Variants in BAALC observed in about 807,000 individuals in gnomAD.
The protein encoded by BAALC is brain and acute leukemia cytoplasmic protein.
BAALC carries 9 observed loss-of-function variants against 15.5 expected under a neutral mutation model. The observed-to-expected ratio is 0.58, with a 90% CI of 0.35 to 1.02. The LOEUF (loss-of-function observed/expected upper bound fraction) is 1.02. Ranked by LOEUF, BAALC falls within the 50% of genes least tolerant of loss-of-function variation. The pLI, the probability that BAALC is intolerant of heterozygous loss-of-function variation, is 0.02. For synonymous variants in BAALC, 80 were observed against 74.6 expected, an observed-to-expected ratio of 1.07 and a Z score of -0.37; for missense variants, 201 against 192.4, an observed-to-expected ratio of 1.04 and a Z score of -0.27.
At chr8:103,197,910 C>T (rs916601182) in intron 1 of BAALC, among the ~76,000 whole-genome samples, 2 of 152,190 alleles carry the variant, frequency 1.3e-5, no homozygotes, top group African/African-American at 2.4e-5. Context: ...CATTTCAAGA[C>T]GAGATTTGGA....
At chr8:103,166,605 T>C (rs572404669) in intron 1 of BAALC, among the ~76,000 whole-genome samples, 1 of 152,292 alleles carries the variant, frequency 6.6e-6, no homozygotes, top group Non-Finnish European at 1.5e-5. Flanking sequence ...GTGATTTTAC[T>C]GTTGTCTTGA....
rs919743572 is a variant in BAALC, at chr8:103,169,528, G to C, written c.160+28471G>C. Among the ~76,000 whole-genome samples the C allele has an allele frequency of 2.6e-5, 4 of 152,284 alleles. No individual in the cohort carries two copies. In the East Asian group the frequency reaches 5.8e-4, roughly 22 times the overall value. On this transcript the variant is annotated intron_variant, in intron 1 of 2. Coordinates refer to ENST00000309982, the MANE Select transcript of BAALC (RefSeq NM_024812.3). ...TCCATTTATGACGTTGGGGCTTAAG[G>C]TCTGTCATCTTCACTATAGAGTATC...
At chr8:103,173,043 G>A (rs1260036849) in intron 1 of BAALC, among the ~76,000 whole-genome samples, 1 of 152,188 alleles carries the variant, frequency 6.6e-6, no homozygotes, top group Admixed American at 6.5e-5. Context: ...GTGGTAGAAA[G>A]ATACATTTGC....
At chr8:103,174,463 A>C (rs1811564234) in intron 1 of BAALC, among the ~76,000 whole-genome samples, 1 of 152,168 alleles carries the variant, frequency 6.6e-6, no homozygotes, top group Non-Finnish European at 1.5e-5. Context: ...TCCAGCCATG[A>C]CCTTGGGACT....
At chr8:103,181,493 C>T (rs555444782) in intron 1 of BAALC, among the ~76,000 whole-genome samples, 115 of 152,154 alleles carry the variant, frequency 7.6e-4, no homozygotes, top group Middle Eastern at 6.8e-3. Context: ...AGGATGGTCT[C>T]GATCTCCTGA....
chr8:103,159,413 A>G (rs549571628), intron 1 of BAALC, among the ~76,000 whole-genome samples: 1 of 152,342 alleles, frequency 6.6e-6, no homozygotes, highest in East Asian at 1.9e-4. Context: ...TTTATAAAGA[A>G]TAACTTTTCC....
intron 1 of BAALC, among the ~76,000 whole-genome samples, chr8:103,188,489 C>T (rs1811895627): frequency 6.6e-6 from 1 of 152,152 alleles, no homozygotes; most frequent in Non-Finnish European, 1.5e-5. Flanking sequence ...CTCTGTATAA[C>T]AGGCTGTGGT....
At chr8:103,172,542 C>G (rs1193712737) in intron 1 of BAALC, among the ~76,000 whole-genome samples, 1 of 152,102 alleles carries the variant, frequency 6.6e-6, no homozygotes, top group Non-Finnish European at 1.5e-5. Flanking sequence ...GCTGGGATTA[C>G]AGGCACCCAC....
chr8:103,151,702 G>A (rs990167533), intron 1 of BAALC, among the ~76,000 whole-genome samples: 6 of 151,768 alleles, frequency 4.0e-5, no homozygotes, highest in Non-Finnish European at 5.9e-5. Flanking sequence ...ATTAATATGC[G>A]GTGACAGACC....
chr8:103,163,979 G>A (rs1430054814), intron 1 of BAALC, among the ~76,000 whole-genome samples: 1 of 152,168 alleles, frequency 6.6e-6, no homozygotes, highest in African/African-American at 2.4e-5. Context: ...TAATGGTGAT[G>A]GGTAGAGAAA....
At chr8:103,149,735 G>C (rs147682708) in intron 1 of BAALC, among the ~76,000 whole-genome samples, 127 of 152,268 alleles carry the variant, frequency 8.3e-4, no homozygotes, top group Non-Finnish European at 1.7e-3. Flanking sequence ...GGAAGAGAAA[G>C]GGGGAAAGGT....
At chr8:103,171,381 C>G (rs373802016) in intron 1 of BAALC, among the ~76,000 whole-genome samples, 1 of 58,184 alleles carries the variant, frequency 1.7e-5, no homozygotes, top group Admixed American at 1.6e-4. Context: ...GAAAGAAAGG[C>G]AAGAGAGGAA....
chr8:103,226,408 G>A (rs567363024), intron 2 of BAALC, among the ~76,000 whole-genome samples: 1 of 152,238 alleles, frequency 6.6e-6, no homozygotes, highest in Non-Finnish European at 1.5e-5. Context: ...GTGGCTCTCT[G>A]CAGCTGATGC....
At chr8:103,200,948 C>G (rs556012471) in intron 1 of BAALC, among the ~76,000 whole-genome samples, 7 of 152,118 alleles carry the variant, frequency 4.6e-5, no homozygotes, top group African/African-American at 1.7e-4. Context: ...AGGAAAATTG[C>G]ATTAGAATAC....
At position 103,204,093 on chromosome 8, in the gene BAALC, CTTTT is replaced by C. The variant is rs951183721; in HGVS notation, c.161-8821_161-8818del. Among the ~76,000 whole-genome samples, 11 of 152,060 alleles carry C rather than the reference CTTTT, an allele frequency of 7.2e-5. No homozygotes were observed. In the East Asian group the frequency reaches 1.5e-3, roughly 21 times the overall value. On this transcript the variant is annotated intron_variant, in intron 1 of 2. Coordinates refer to ENST00000309982, the MANE Select transcript of BAALC (RefSeq NM_024812.3). ...ATTTCTGAGAACACTTATTCTGTAT[CTTTT>C]TTTTATTATAGCCCCATCCTAGTGG...
chr8:103,217,207 T>C (rs1812578923), intron 2 of BAALC, among the ~76,000 whole-genome samples: 2 of 152,350 alleles, frequency 1.3e-5, no homozygotes, highest in South Asian at 4.1e-4. Context: ...ATAACTTTAG[T>C]TTTAACGGTT....
At chr8:103,159,362 G>A (rs1811171232) in intron 1 of BAALC, among the ~76,000 whole-genome samples, 1 of 152,200 alleles carries the variant, frequency 6.6e-6, no homozygotes, top group African/African-American at 2.4e-5. Flanking sequence ...ACAAAATGGT[G>A]ATAGTCTAAC....
intron 2 of BAALC, 116 bp downstream of exon 2, chr8:103,213,201 A>G (rs1812490434): frequency 6.4e-6 from 7 of 1,095,812 alleles, no homozygotes; most frequent in Non-Finnish European, 8.6e-6. Context: ...CTCATCTTGG[A>G]AAAAAAAAGT....
chr8:103,202,107 A>G (rs1231215634), intron 1 of BAALC, among the ~76,000 whole-genome samples: 1 of 152,218 alleles, frequency 6.6e-6, no homozygotes, highest in Non-Finnish European at 1.5e-5. Context: ...AGTTTTCTAC[A>G]TGAAACACCT....
Sources: gnomAD v4.1 joint callset for allele counts (sites outside exome capture counted in the v4.1 genomes callset) on GRCh38, gnomAD v4.1.1 for gene constraint, MANE v1.5 for transcripts, NCBI Gene and HGNC (gene_info 2026-07-23, HGNC 2026-07-21) for gene names.